RYR2: variants seen among roughly 807,000 people sequenced by gnomAD.
The protein encoded by RYR2 is cardiac muscle ryanodine receptor-calcium release channel.
In RYR2, 227 loss-of-function variants were observed where a neutral mutation model predicts 601.1. That is an observed-to-expected ratio of 0.38 (90% CI 0.34 to 0.42). The LOEUF (loss-of-function observed/expected upper bound fraction) is 0.42, where lower values mean the gene tolerates loss of function less well. RYR2 is among the 10% of genes least tolerant of loss of function. The probability of loss-of-function intolerance (pLI) is 1.00; values close to 1 mark genes in which losing one functional copy is unlikely to be tolerated. For missense variants in RYR2, 4,646 were observed against 6,156.5 expected (o/e 0.75, Z 8.21); for synonymous variants, 2,223 against 2,175.1 (o/e 1.02, Z -0.61).
At chr1:237,350,633 A>ATATATC (rs1324840834) in intron 3 of RYR2, among the ~76,000 whole-genome samples, 82 of 92,308 alleles carry the variant, frequency 8.9e-4, no homozygotes, top group East Asian at 2.0e-3. Flanking sequence ...ATATATATAT[A>ATATATC]TCTCTGACCT....
At chr1:237,540,830 G>T (rs775094232) in intron 25 of RYR2, among the ~76,000 whole-genome samples, 5 of 151,822 alleles carry the variant, frequency 3.3e-5, no homozygotes, top group Non-Finnish European at 7.4e-5. Flanking sequence ...TACTACATGT[G>T]ACAGGAAACA....
At chr1:237,195,374 C>A (rs549172103) in intron 1 of RYR2, among the ~76,000 whole-genome samples, 1 of 152,292 alleles carries the variant, frequency 6.6e-6, no homozygotes, top group East Asian at 1.9e-4. Flanking sequence ...CTGCCTCAGC[C>A]TCCTGAGTAG....
chr1:237,495,755 G>GACCT (rs1481652651), intron 19 of RYR2, among the ~76,000 whole-genome samples: 3 of 152,142 alleles, frequency 2.0e-5, no homozygotes, highest in Admixed American at 2.0e-4. Flanking sequence ...TAAACAACAT[G>GACCT]ACCTACCTCA....
rs369876879 is a variant in RYR2 at position 237,595,788 on chromosome 1, C to T, written c.4596+131C>T. The stretch of plus-strand genomic sequence containing the variant: ...ATGTGCCCCTGGTCTGAAAATCAGC[C>T]GAGCAGACCTGCCCCTAGCAAGCCC... On this transcript the variant is annotated intron_variant, in intron 34 of 104. Coordinates refer to ENST00000366574, the MANE Select transcript of RYR2 (RefSeq NM_001035.3). The T allele has an allele frequency of 2.8e-4, 303 of 1,096,270 alleles. No individual in the cohort carries two copies. The African/African-American group carries it at 3.4e-3, about 12-fold the overall frequency. 67.9% of individuals were successfully genotyped at this position (1,096,270 alleles called of 1,614,324 possible). A position where few individuals can be genotyped will look rare whatever the true frequency, so the allele number is the denominator to read the frequency against.
At chr1:237,732,243 A>G (rs1443041126) in intron 78 of RYR2, 94 bp downstream of exon 78, 1 of 700,440 alleles carries the variant, frequency 1.4e-6, no homozygotes, top group African/African-American at 1.8e-5. Flanking sequence ...TTTTAAGTTC[A>G]TCTTGTTGTT....
chr1:237,116,405 C>T (rs1670084689), intron 1 of RYR2, among the ~76,000 whole-genome samples: 1 of 152,136 alleles, frequency 6.6e-6, no homozygotes, highest in Non-Finnish European at 1.5e-5. Context: ...GTTCTCGTCT[C>T]ATGCAGGAGG....
At chr1:237,133,754 C>T (rs545672118) in intron 1 of RYR2, among the ~76,000 whole-genome samples, 22 of 151,968 alleles carry the variant, frequency 1.4e-4, no homozygotes, top group African/African-American at 2.4e-4. Context: ...GGTGAAACCC[C>T]GTCTCTACTA....
chr1:237,604,543 C>G lies in RYR2; in HGVS notation c.4683+2432C>G, dbSNP rs563747674. Among the ~76,000 whole-genome samples, 5 of 152,196 alleles carry G rather than the reference C, an allele frequency of 3.3e-5. No homozygotes were observed. In the East Asian group the frequency reaches 9.7e-4, roughly 29 times the overall value. The stretch of plus-strand genomic sequence containing the variant: ...AAGCAAGAGCAAACACATTCAAAGG[C>G]TAGCGGAAGGCAAGAAATAACTAAG... On this transcript the variant is annotated intron_variant, in intron 35 of 104. Coordinates refer to ENST00000366574, the MANE Select transcript of RYR2 (RefSeq NM_001035.3).
At chr1:237,270,463 A>AC (rs1438508758) in intron 1 of RYR2, 34 bp from the exon 2 acceptor site, 11 of 1,555,138 alleles carry the variant, frequency 7.1e-6, no homozygotes, top group Non-Finnish European at 8.7e-6. Context: ...GTCACGTCTC[A>AC]CTTATTTTTC....
chr1:237,412,826 A>G (rs182860873), intron 10 of RYR2, among the ~76,000 whole-genome samples: 3 of 152,310 alleles, frequency 2.0e-5, no homozygotes, highest in East Asian at 1.9e-4. Context: ...CCAGCTGGAA[A>G]GGGCATTTGC....
chr1:237,367,609 A>G (rs776467239), intron 5 of RYR2, among the ~76,000 whole-genome samples: 14 of 152,008 alleles, frequency 9.2e-5, no homozygotes, highest in Non-Finnish European at 1.8e-4. Context: ...CAGTATCATC[A>G]CTCTTATTCT....
chr1:237,102,692 C>CA (rs1668249411), intron 1 of RYR2, among the ~76,000 whole-genome samples: 1 of 151,986 alleles, frequency 6.6e-6, no homozygotes, highest in South Asian at 2.1e-4. Context: ...CCCTTCTCTA[C>CA]TAAAAATACA....
At position 237,171,910 on chromosome 1, in the gene RYR2, C is replaced by A. The variant is rs558327156; in HGVS notation, c.49-98587C>A. 2.0e-5 allele frequency among the ~76,000 whole-genome samples: 3 copies of A among 152,252 alleles called. No individual in the cohort carries two copies. The South Asian group carries it at 6.2e-4, about 32-fold the overall frequency. On this transcript the variant is annotated intron_variant, in intron 1 of 104. Transcript: ENST00000366574. ...TACCCACCGGTCTTTCTGTTTTGCC[C>A]CCAAGAGGTTAAAAGCAGTTTTCAT...
intron 101 of RYR2, among the ~76,000 whole-genome samples, chr1:237,827,391 T>C (rs1376362475): frequency 6.6e-6 from 1 of 152,108 alleles, no homozygotes; most frequent in Non-Finnish European, 1.5e-5. Context: ...TCCTACCACT[T>C]TGGGAAGCTG....
intron 24 of RYR2, among the ~76,000 whole-genome samples, chr1:237,514,628 T>C (rs1666239046): frequency 6.6e-6 from 1 of 152,182 alleles, no homozygotes; most frequent in East Asian, 1.9e-4. Context: ...TATATTTCCT[T>C]TATTCACTTA....
At chr1:237,536,453 G>A (rs1324793942) in intron 25 of RYR2, among the ~76,000 whole-genome samples, 2 of 148,478 alleles carry the variant, frequency 1.3e-5, no homozygotes, top group Admixed American at 6.7e-5. Context: ...GGTGGCTCAC[G>A]CCTGTAACCC....
At chr1:237,409,251 G>T (rs1476172223) in intron 10 of RYR2, among the ~76,000 whole-genome samples, 1 of 152,074 alleles carries the variant, frequency 6.6e-6, no homozygotes, top group African/African-American at 2.4e-5. Flanking sequence ...TGATATAGAA[G>T]CAACAAGTTT....
In RYR2 at chr1:237,189,879, ATT is replaced by A. The variant is rs61306892; in HGVS notation, c.49-80608_49-80607del. On this transcript the variant is annotated intron_variant, in intron 1 of 104. Transcript: ENST00000366574. ...TCCATACTGTTTTATTTTTATTTTT[ATT>A]TTTTTTTTTGAGACAGAGTTTCACT... 8.5e-4 allele frequency among the ~76,000 whole-genome samples: 92 copies of A among 107,816 alleles called. 2 individuals carry two copies. The East Asian group carries it at 0.037, about 44-fold the overall frequency. The allele number at this position is 107,816 out of a possible 152,430, so 70.7% of individuals were successfully genotyped here.
rs1036402862 is a variant in RYR2 at position 237,698,947 on chromosome 1, A to G, written c.9068-18A>G. 6.7e-7 allele frequency: 1 copy of G among 1,496,318 alleles called. No homozygotes were observed. Among genetic ancestry groups the G allele is most frequent in the Non-Finnish European group, 9.1e-7 (1 of 1,099,466 alleles). 92.7% of individuals were successfully genotyped at this position (1,496,318 alleles called of 1,614,324 possible). A position where few individuals can be genotyped will look rare whatever the true frequency, so the allele number is the denominator to read the frequency against. On this transcript the variant is annotated intron_variant, in intron 63 of 104. Coordinates refer to ENST00000366574, the MANE Select transcript of RYR2 (RefSeq NM_001035.3). ...AAATTCTCAGGGCAATTTATACAGC[A>G]TTTTGTTTCCTCTTTAGGCAATGAT...
Sources: gnomAD v4.1 joint callset for allele counts (sites outside exome capture counted in the v4.1 genomes callset) on GRCh38, gnomAD v4.1.1 for gene constraint, MANE v1.5 for transcripts, NCBI Gene and HGNC (gene_info 2026-07-23, HGNC 2026-07-21) for gene names.